Variants in C1QTNF3 observed in about 807,000 individuals in gnomAD.
The protein encoded by C1QTNF3 is complement C1q tumor necrosis factor-related protein 3.
In C1QTNF3, 26 loss-of-function variants were observed where a neutral mutation model predicts 32.6. The ratio of observed to expected loss-of-function variants is 0.80; its 90% CI spans 0.58 to 1.11. The LOEUF (loss-of-function observed/expected upper bound fraction) is 1.11. Ranked by LOEUF, C1QTNF3 falls within the 50% of genes least tolerant of loss-of-function variation. C1QTNF3 has a pLI of 0.00. For missense variants in C1QTNF3, 362 were observed against 398.2 expected, an observed-to-expected ratio of 0.91 and a Z score of 0.77; for synonymous variants, 155 against 146.0, an observed-to-expected ratio of 1.06 and a Z score of -0.44.
the C1QTNF3 span, among the ~76,000 whole-genome samples, chr5:34,092,871 A>C: frequency 1.3e-5 from 2 of 152,018 alleles, no homozygotes; most frequent in East Asian, 3.8e-4. Context: ...CTCAGACATA[A>C]ATAAAAACAA....
chr5:34,208,101 C>T, the C1QTNF3 span, among the ~76,000 whole-genome samples: 4 of 152,196 alleles, frequency 2.6e-5, no homozygotes, highest in African/African-American at 9.6e-5. Flanking sequence ...TGAGAAAGTG[C>T]TTTTAAGCTC....
upstream of C1QTNF3, among the ~76,000 whole-genome samples, chr5:34,044,152 TAA>T (rs1195806827): frequency 6.6e-6 from 1 of 152,156 alleles, no homozygotes; most frequent in Non-Finnish European, 1.5e-5. Context: ...GTATCCAGAT[TAA>T]GAGGATTCTC....
chr5:34,028,042 C>T (rs908943144), intron 4 of C1QTNF3, among the ~76,000 whole-genome samples: 1 of 152,022 alleles, frequency 6.6e-6, no homozygotes, highest in South Asian at 2.1e-4. Context: ...GCGCGATCTC[C>T]GCTCACTGCA....
At chr5:34,179,415 G>A in the C1QTNF3 span, among the ~76,000 whole-genome samples, 3 of 152,400 alleles carry the variant, frequency 2.0e-5, no homozygotes, top group African/African-American at 7.2e-5. Context: ...CCGGGAGGTG[G>A]AGGTTGCAGT....
intron 3 of C1QTNF3, among the ~76,000 whole-genome samples, chr5:34,032,565 G>A (rs1235904398): frequency 1.3e-5 from 2 of 152,176 alleles, no homozygotes; most frequent in Non-Finnish European, 2.9e-5. Flanking sequence ...GGGAGGCCGA[G>A]GCAGGCAGAT....
chr5:34,116,252 A>T, the C1QTNF3 span, among the ~76,000 whole-genome samples: 151 of 152,232 alleles, frequency 9.9e-4, no homozygotes, highest in Middle Eastern at 0.01. Flanking sequence ...ATTTTAAAAA[A>T]TTTTATTGAG....
the C1QTNF3 span, among the ~76,000 whole-genome samples, chr5:34,207,373 T>C: frequency 6.6e-6 from 1 of 151,582 alleles, no homozygotes; most frequent in Non-Finnish European, 1.5e-5. Context: ...AATCAGTCTC[T>C]CCCTCCATGC....
the C1QTNF3 span, among the ~76,000 whole-genome samples, chr5:34,051,507 C>T: frequency 1.3e-5 from 2 of 152,094 alleles, no homozygotes; most frequent in East Asian, 1.9e-4. Flanking sequence ...AATAAGTAAA[C>T]GGAAAATATA....
the C1QTNF3 span, among the ~76,000 whole-genome samples, chr5:34,204,834 C>CT: frequency 0.086 from 12,649 of 147,722 alleles, 1,385 homozygotes; most frequent in African/African-American, 0.25. Flanking sequence ...CTTTCTGGAC[C>CT]TTTTTTTGAT....
At chr5:34,075,247 C>T in the C1QTNF3 span, among the ~76,000 whole-genome samples, 2,198 of 151,750 alleles carry the variant, frequency 0.014, 117 homozygotes, top group African/African-American at 0.051. Context: ...ATAGCTGACC[C>T]TGTTTAGTTC....
chr5:34,172,013 A>C, the C1QTNF3 span, among the ~76,000 whole-genome samples: 5 of 152,286 alleles, frequency 3.3e-5, no homozygotes, highest in African/African-American at 1.2e-4. Context: ...AGATGTTGTC[A>C]AATGTTATAA....
the C1QTNF3 span, among the ~76,000 whole-genome samples, chr5:34,118,910 A>C: frequency 6.6e-5 from 10 of 152,046 alleles, no homozygotes; most frequent in African/African-American, 2.2e-4. Context: ...CTAAACTTAT[A>C]TGTGTGTATA....
chr5:34,223,163 T>TC, the C1QTNF3 span, among the ~76,000 whole-genome samples: 2 of 92,530 alleles, frequency 2.2e-5, no homozygotes, highest in Non-Finnish European at 2.1e-5. Flanking sequence ...ATGCTATCCC[T>TC]CCCCCCTCCC....
the C1QTNF3 span, among the ~76,000 whole-genome samples, chr5:34,092,412 C>T: frequency 1.3e-5 from 2 of 151,728 alleles, no homozygotes; most frequent in African/African-American, 4.9e-5. Flanking sequence ...ACATATTTAA[C>T]ATTTTATAAA....
the C1QTNF3 span, among the ~76,000 whole-genome samples, chr5:34,068,834 T>C: frequency 9.1e-3 from 1,389 of 152,274 alleles, 14 homozygotes; most frequent in South Asian, 0.056. Context: ...GCAACATAGG[T>C]ATGTCCTAGT....
the C1QTNF3 span, chr5:34,244,641 TG>T: frequency 6.6e-6 from 1 of 152,014 alleles, no homozygotes; most frequent in Non-Finnish European, 1.5e-5. Flanking sequence ...GCATGCTGAT[TG>T]GTGCATTTAC....
chr5:34,050,912 CAG>C, the C1QTNF3 span, among the ~76,000 whole-genome samples: 1 of 152,202 alleles, frequency 6.6e-6, no homozygotes. Flanking sequence ...CACCTTGTAA[CAG>C]AGTCTTGATT....
the C1QTNF3 span, among the ~76,000 whole-genome samples, chr5:34,091,750 GTAT>G: frequency 6.6e-6 from 1 of 151,860 alleles, no homozygotes; most frequent in Non-Finnish European, 1.5e-5. Context: ...TATAAGCATA[GTAT>G]TATTTATTAA....
the C1QTNF3 span, among the ~76,000 whole-genome samples, chr5:34,083,633 AGAC>A: frequency 4.8e-4 from 73 of 151,900 alleles, 1 homozygote; most frequent in East Asian, 0.014. Context: ...ATGTACAAAA[AGAC>A]ATTCTGCTAA....
Sources: allele counts gnomAD v4.1 joint callset (sites outside exome capture counted in the v4.1 genomes callset), GRCh38; gene constraint gnomAD v4.1.1; transcripts MANE v1.5; gene names NCBI Gene and HGNC (gene_info 2026-07-23, HGNC 2026-07-21).